PALLD: variants seen among roughly 807,000 people sequenced by gnomAD.
The protein encoded by PALLD is palladin, cytoskeletal associated protein, also known as palladin.
In PALLD, 61 loss-of-function variants were observed where a neutral mutation model predicts 123.5. The observed-to-expected ratio is 0.49, with a 90% confidence interval of 0.40 to 0.61. The LOEUF (loss-of-function observed/expected upper bound fraction) is 0.61, where lower values mean the gene tolerates loss of function less well. Ranked by LOEUF, PALLD falls within the 20% of genes least tolerant of loss-of-function variation. The pLI, the probability that PALLD is intolerant of heterozygous loss-of-function variation, is 0.00. For synonymous variants in PALLD, 465 were observed against 496.4 expected (o/e 0.94, Z 0.84); for missense variants, 1,273 against 1,377.0 (o/e 0.92, Z 1.20).
chr4:168,738,246 A>G (rs1030393919), intron 10 of PALLD, among the ~76,000 whole-genome samples: 6 of 152,130 alleles, frequency 3.9e-5, no homozygotes, highest in Non-Finnish European at 5.9e-5. Flanking sequence ...CACTTAGAAC[A>G]ATGGCTTGAT....
chr4:168,509,414 T>C (rs1319033551), intron 1 of PALLD, among the ~76,000 whole-genome samples: 1 of 152,218 alleles, frequency 6.6e-6, no homozygotes, highest in African/African-American at 2.4e-5. Context: ...TTTTTATATA[T>C]TACTATACCT....
chr4:168,620,234 A>T (rs1264148512), intron 2 of PALLD, among the ~76,000 whole-genome samples: 1 of 152,222 alleles, frequency 6.6e-6, no homozygotes, highest in Admixed American at 6.5e-5. Context: ...AGGCAGGTGG[A>T]TCACGAGGTC....
intron 5 of PALLD, among the ~76,000 whole-genome samples, chr4:168,683,981 A>C (rs923075690): frequency 2.0e-5 from 3 of 152,236 alleles, no homozygotes; most frequent in African/African-American, 7.2e-5. Flanking sequence ...TCAGTTACTC[A>C]GAGATGGCAT....
intron 2 of PALLD, among the ~76,000 whole-genome samples, chr4:168,642,924 T>G (rs1320944310): frequency 6.6e-6 from 1 of 152,236 alleles, no homozygotes; most frequent in Non-Finnish European, 1.5e-5. Context: ...ATACCTTGCC[T>G]TATTGTTAGC....
intron 2 of PALLD, among the ~76,000 whole-genome samples, chr4:168,655,707 A>G (rs1293602831): frequency 1.3e-5 from 2 of 152,184 alleles, no homozygotes; most frequent in Non-Finnish European, 2.9e-5. Flanking sequence ...TTCTCCTCCC[A>G]TATTCTTAGT....
chr4:168,617,772 G>T (rs558543193), intron 2 of PALLD, among the ~76,000 whole-genome samples: 1 of 152,262 alleles, frequency 6.6e-6, no homozygotes, highest in East Asian at 1.9e-4. Flanking sequence ...GTAAAGTCTG[G>T]CATCTCAATA....
At chr4:168,905,897 T>A (rs2151329237) in intron 15 of PALLD, among the ~76,000 whole-genome samples, 1 of 151,380 alleles carries the variant, frequency 6.6e-6, no homozygotes, top group East Asian at 2.0e-4. Flanking sequence ...CCTCCTGGGT[T>A]CAAGCAATTC....
chr4:168,580,104 C>G (rs568111669), intron 2 of PALLD, among the ~76,000 whole-genome samples: 2 of 151,988 alleles, frequency 1.3e-5, no homozygotes, highest in African/African-American at 4.8e-5. Flanking sequence ...TTGGATTCCA[C>G]GTGTGTCAGA....
At chr4:168,644,743 G>C (rs1777277878) in intron 2 of PALLD, among the ~76,000 whole-genome samples, 1 of 152,158 alleles carries the variant, frequency 6.6e-6, no homozygotes, top group Non-Finnish European at 1.5e-5. Flanking sequence ...CGTGCCTATA[G>C]TATTTCCTTT....
chr4:168,580,279 T>G (rs1770108767), intron 2 of PALLD, among the ~76,000 whole-genome samples: 1 of 151,644 alleles, frequency 6.6e-6, no homozygotes, highest in South Asian at 2.1e-4. Flanking sequence ...TATCACATTT[T>G]CTTTATCCAT....
At chr4:168,907,627 G>A (rs1368825328) in intron 15 of PALLD, among the ~76,000 whole-genome samples, 1 of 152,162 alleles carries the variant, frequency 6.6e-6, no homozygotes, top group African/African-American at 2.4e-5. Flanking sequence ...AAAAGAGAGT[G>A]GTTACTGCCC....
At chr4:168,758,058 G>A (rs558517274) in intron 10 of PALLD, among the ~76,000 whole-genome samples, 4 of 152,160 alleles carry the variant, frequency 2.6e-5, no homozygotes, top group South Asian at 2.1e-4. Flanking sequence ...GCGACAGAGC[G>A]AGACTCCATC....
chr4:168,766,618 A>G (rs1418236412), intron 10 of PALLD, among the ~76,000 whole-genome samples: 1 of 152,252 alleles, frequency 6.6e-6, no homozygotes, highest in African/African-American at 2.4e-5. Flanking sequence ...TAGTGGCTGC[A>G]AGACAGCATA....
chr4:168,711,613 G>A lies in PALLD; in HGVS notation c.1654G>A (p.Gly552Arg). The change falls in exon 10 of 22, where the codon GGA becomes AGA. Residue 552 changes from glycine (G) to arginine (R), a missense_variant. By Grantham distance (125) the Gly-to-Arg change is moderately radical. Around this residue, in one of 2 missense-constraint regions of PALLD, gnomAD observed 944 missense variants for 954.5 expected, o/e 0.99. Coordinates refer to ENST00000505667, the MANE Select transcript of PALLD (RefSeq NM_001166108.2). ...TGAAAACTGTAGTTACGAGTCAATG[G>A]GAGAATCCAACAATGACCACTTCCA... ...NTENCSYESM[G>R]ESNNDHFQHF... 2 of 1,613,906 alleles carry A rather than the reference G, an allele frequency of 1.2e-6. No individual in the cohort carries two copies. Among genetic ancestry groups the A allele is most frequent in the Non-Finnish European group, 1.7e-6 (2 of 1,179,884 alleles).
At chr4:168,754,872 G>A (rs1561484621) in intron 10 of PALLD, among the ~76,000 whole-genome samples, 1 of 152,196 alleles carries the variant, frequency 6.6e-6, no homozygotes, top group Admixed American at 6.5e-5. Flanking sequence ...TTACATTTTA[G>A]TCTGGGAGAC....
intron 10 of PALLD, among the ~76,000 whole-genome samples, chr4:168,781,813 A>G (rs924511): frequency 0.53 from 80,047 of 151,982 alleles, 22,088 homozygotes; most frequent in Non-Finnish European, 0.63. Flanking sequence ...TTCAAGTACA[A>G]GCTAAAAGTC....
At chr4:168,806,254 G>A (rs372172801) in intron 10 of PALLD, among the ~76,000 whole-genome samples, 1 of 152,160 alleles carries the variant, frequency 6.6e-6, no homozygotes, top group South Asian at 2.1e-4. Flanking sequence ...AGTAGAGACA[G>A]GGTTTCACCA....
intron 2 of PALLD, among the ~76,000 whole-genome samples, chr4:168,605,990 T>C (rs910794746): frequency 2.0e-5 from 3 of 152,186 alleles, no homozygotes; most frequent in African/African-American, 7.2e-5. Flanking sequence ...AAAGGGCATC[T>C]ATATTTTAAA....
At chr4:168,517,085 C>G (rs1763059104) in intron 2 of PALLD, among the ~76,000 whole-genome samples, 1 of 152,160 alleles carries the variant, frequency 6.6e-6, no homozygotes, top group African/African-American at 2.4e-5. Context: ...CACAGGAAAA[C>G]ATGGCAGCAG....
Sources: gnomAD v4.1 joint callset for allele counts (sites outside exome capture counted in the v4.1 genomes callset) on GRCh38, gnomAD v4.1.1 for gene constraint, gnomAD v4.1.1 regional missense constraint, MANE v1.5 for transcripts, NCBI Gene and HGNC (gene_info 2026-07-23, HGNC 2026-07-21) for gene names.